Variants in SEM1 observed in about 807,000 individuals in gnomAD.
SEM1 encodes SEM1 26S proteasome subunit, also known as 26S proteasome complex subunit SEM1.
SEM1 carries 3 observed loss-of-function variants against 12.7 expected under a neutral mutation model. That is an observed-to-expected ratio of 0.24 (90% confidence interval 0.11 to 0.61). SEM1 has a LOEUF of 0.61. Ranked by LOEUF, SEM1 falls within the 20% of genes least tolerant of loss-of-function variation. SEM1 has a pLI of 0.88. For synonymous variants in SEM1, 30 were observed against 27.8 expected, an observed-to-expected ratio of 1.08 and a Z score of -0.25; for missense variants, 59 against 81.3, an observed-to-expected ratio of 0.73 and a Z score of 1.06.
At chr7:96,680,253 C>T (rs1294117436) in intron 2 of SEM1, among the ~76,000 whole-genome samples, 1 of 152,056 alleles carries the variant, frequency 6.6e-6, no homozygotes, top group African/African-American at 2.4e-5. Context: ...CCCCACTCCC[C>T]TAGTACTTCT....
chr7:96,675,378 TA>T (rs1281581498), intron 2 of SEM1, among the ~76,000 whole-genome samples: 2 of 152,296 alleles, frequency 1.3e-5, no homozygotes, highest in Non-Finnish European at 2.9e-5. Context: ...GGACATGCAC[TA>T]AAACATTGGG....
At chr7:96,515,082 C>T (rs1019245050) in intron 2 of SEM1, among the ~76,000 whole-genome samples, 1 of 152,046 alleles carries the variant, frequency 6.6e-6, no homozygotes, top group Non-Finnish European at 1.5e-5. Flanking sequence ...CCAGAAAGAG[C>T]CCCACATAAA....
chr7:96,497,004 C>T (rs975046741), upstream of SEM1, among the ~76,000 whole-genome samples: 6 of 131,506 alleles, frequency 4.6e-5, no homozygotes, highest in Non-Finnish European at 4.7e-5. Flanking sequence ...CGCACGAGCA[C>T]GTATACACAC....
chr7:96,536,547 A>G (rs552895426), intron 2 of SEM1, among the ~76,000 whole-genome samples: 1 of 151,762 alleles, frequency 6.6e-6, no homozygotes, highest in East Asian at 1.9e-4. Flanking sequence ...GGATTTGTCT[A>G]TTTCTCCTTG....
chr7:96,546,795 G>T (rs1371915580), intron 2 of SEM1, among the ~76,000 whole-genome samples: 1 of 151,932 alleles, frequency 6.6e-6, no homozygotes, highest in African/African-American at 2.4e-5. Context: ...AGCATTGAGG[G>T]TGTGAGCTGT....
At chr7:96,539,169 A>G (rs970430307) in intron 2 of SEM1, among the ~76,000 whole-genome samples, 1 of 151,786 alleles carries the variant, frequency 6.6e-6, no homozygotes, top group African/African-American at 2.4e-5. Flanking sequence ...TGAGCTTGCA[A>G]GTGGATCCTT....
At chr7:96,620,019 T>C (rs1268729855), downstream of SEM1, among the ~76,000 whole-genome samples, 1 of 152,096 alleles carries the variant, frequency 6.6e-6, no homozygotes, top group Non-Finnish European at 1.5e-5. Context: ...GTCTCAGTCT[T>C]ATGCCACTCA....
chr7:96,622,491 T>G (rs1807926777), downstream of SEM1: 1 of 645,426 alleles, frequency 1.5e-6, no homozygotes, highest in Non-Finnish European at 2.8e-6. Flanking sequence ...GTATTTTCCT[T>G]TCTATCTTCT....
chr7:96,638,242 C>T (rs1048201154), intron 2 of SEM1, among the ~76,000 whole-genome samples: 3 of 151,940 alleles, frequency 2.0e-5, no homozygotes. Flanking sequence ...TTGGTACTTG[C>T]CTTCATAGCT....
intron 2 of SEM1, among the ~76,000 whole-genome samples, chr7:96,609,718 G>A (rs1807485484): frequency 6.6e-6 from 1 of 152,222 alleles, no homozygotes; most frequent in Admixed American, 6.5e-5. Flanking sequence ...CTTCTTGTAA[G>A]AGAAGCCTCA....
downstream of SEM1, among the ~76,000 whole-genome samples, chr7:96,621,444 A>G (rs1807889631): frequency 6.6e-6 from 1 of 152,240 alleles, no homozygotes. Context: ...AAAGGATTGT[A>G]GAGTAGCCTG....
At chr7:96,592,561 C>T (rs1806861754) in intron 2 of SEM1, among the ~76,000 whole-genome samples, 2 of 151,634 alleles carry the variant, frequency 1.3e-5, no homozygotes, top group Admixed American at 6.6e-5. Context: ...TTCAGCAGCA[C>T]CATGACACCG....
At chr7:96,550,140 TAGTG>T (rs72306322) in intron 2 of SEM1, among the ~76,000 whole-genome samples, 92,886 of 151,560 alleles carry the variant, frequency 0.61, 29,190 homozygotes, top group Non-Finnish European at 0.69. Flanking sequence ...GTTTGAGAAA[TAGTG>T]AGGGAAAGTC....
downstream of SEM1, among the ~76,000 whole-genome samples, chr7:96,670,476 T>C (rs1789286818): frequency 6.6e-6 from 1 of 152,184 alleles, no homozygotes; most frequent in Non-Finnish European, 1.5e-5. Flanking sequence ...TTGTTCAGGT[T>C]TATTGACAGA....
intron 2 of SEM1, among the ~76,000 whole-genome samples, chr7:96,551,627 A>T (rs10260345): frequency 6.7e-6 from 1 of 150,026 alleles, no homozygotes; most frequent in Non-Finnish European, 1.5e-5. Flanking sequence ...ATTGCTTGAA[A>T]CTGGGAGGCG....
At chr7:96,540,018 G>T (rs1468897994) in intron 2 of SEM1, among the ~76,000 whole-genome samples, 1 of 150,302 alleles carries the variant, frequency 6.7e-6, no homozygotes, top group Non-Finnish European at 1.5e-5. Flanking sequence ...ATAAAAATAA[G>T]TTATAAAAAT....
intron 2 of SEM1, among the ~76,000 whole-genome samples, chr7:96,596,618 A>G (rs1807006104): frequency 6.6e-6 from 1 of 152,174 alleles, no homozygotes; most frequent in African/African-American, 2.4e-5. Flanking sequence ...TGACAAGTCT[A>G]TTGTGTTGAC....
rs149367487 is a variant in SEM1 at position 96,573,228 on chromosome 7, C to T, written c.171-66530G>A. 2.0e-3 allele frequency among the ~76,000 whole-genome samples: 309 copies of T among 151,882 alleles called. 1 individual carries two copies. Among genetic ancestry groups the T allele is most frequent in the African/African-American group, 7.3e-3 (302 of 41,412 alleles). On this transcript the variant is annotated intron_variant and NMD_transcript_variant, in intron 2 of 3. Transcript: ENST00000466986. ...CTGAATATAGCACACTGATGGGTCT[C>T]GACTCTATCCCATTTGCCAGTCTGT...
chr7:96,546,154 C>T (rs1053414237), intron 2 of SEM1, among the ~76,000 whole-genome samples: 3 of 152,012 alleles, frequency 2.0e-5, no homozygotes, highest in Non-Finnish European at 4.4e-5. Context: ...ATCAATGAGG[C>T]AAATTCAGAT....
Sources: allele counts gnomAD v4.1 joint callset (sites outside exome capture counted in the v4.1 genomes callset), GRCh38; gene constraint gnomAD v4.1.1; transcripts MANE v1.5; gene names NCBI Gene and HGNC (gene_info 2026-07-23, HGNC 2026-07-21).